The following SLC2A1 variants were observed in gnomAD, a reference collection of about 807,000 sequenced individuals.
SLC2A1 encodes the protein solute carrier family 2 member 1, also known as solute carrier family 2, facilitated glucose transporter member 1.
Under a neutral mutation model 46.6 loss-of-function variants are expected in SLC2A1, and 4 were observed. The ratio of observed to expected loss-of-function variants is 0.09; its 90% CI spans 0.04 to 0.20. SLC2A1 has a LOEUF of 0.20. SLC2A1 is among the 10% of genes least tolerant of loss of function. SLC2A1 has a pLI of 1.00. For missense variants in SLC2A1, 352 were observed against 667.0 expected (o/e 0.53, Z 5.20); for synonymous variants, 253 against 270.0 (o/e 0.94, Z 0.62).
chr1:42,927,567 T>A lies in SLC2A1; in HGVS notation c.1278+38A>T, dbSNP rs768066068. On this transcript the variant is annotated intron_variant, in intron 9 of 9. Coordinates refer to ENST00000426263, the MANE Select transcript of SLC2A1 (RefSeq NM_006516.4). The surrounding 1 kb of genome is among the most constrained non-coding windows in gnomAD (Gnocchi z 5.3). ...CACTTTGCACAGCACTGTGGGGTCA[T>A]GCGTGCGGGTGAGTATAGAGACAGT... The A allele has an allele frequency of 9.0e-6, 14 of 1,548,980 alleles. No individual in the cohort carries two copies. The African/African-American group carries it at 2.4e-4, about 27-fold the overall frequency.
intron 2 of SLC2A1, among the ~76,000 whole-genome samples, chr1:42,931,646 T>G (rs1253620459): frequency 6.6e-6 from 1 of 151,436 alleles, no homozygotes; most frequent in African/African-American, 2.4e-5. Flanking sequence ...ACCAACATGG[T>G]GAAACCCTAT....
At chr1:42,948,470 A>G (rs972040244) in intron 1 of SLC2A1, among the ~76,000 whole-genome samples, 1 of 152,102 alleles carries the variant, frequency 6.6e-6, no homozygotes, top group African/African-American at 2.4e-5. Flanking sequence ...AGCATCCCAC[A>G]TGGGTTCCCC....
At chr1:42,952,949 C>T (rs548904608) in intron 1 of SLC2A1, among the ~76,000 whole-genome samples, 7 of 152,348 alleles carry the variant, frequency 4.6e-5, no homozygotes, top group African/African-American at 1.7e-4. Flanking sequence ...CCTGGAGCCT[C>T]AGTGCCGCTG....
rs919486731 is a variant in SLC2A1, at chr1:42,954,158, C to G, written c.18+4476G>C. Reference sequence around the variant, plus strand: ...TGGCAAGTCCTGTGTCTGGGGATTCCTGCTCATTTGGGGTGGGTGGAGGAT... The same window carrying G: ...TGGCAAGTCCTGTGTCTGGGGATTCGTGCTCATTTGGGGTGGGTGGAGGAT... On this transcript the variant is annotated intron_variant, in intron 1 of 9. Transcript: ENST00000426263. The surrounding 1 kb of genome is among the most constrained non-coding windows in gnomAD (Gnocchi z 4.2). Among the ~76,000 whole-genome samples the G allele has an allele frequency of 7.2e-5, 11 of 151,974 alleles. No individual in the cohort carries two copies. The highest frequency in any genetic ancestry group is 2.7e-4 in the African/African-American group (11 of 41,390).
In SLC2A1 at chr1:42,927,602, C is replaced by T. The variant is rs1643440848; in HGVS notation, c.1278+3G>A. 6.2e-7 allele frequency: 1 copy of T among 1,611,552 alleles called. No individual in the cohort carries two copies. Among genetic ancestry groups the T allele is most frequent in the African/African-American group, 1.3e-5 (1 of 74,754 alleles). On this transcript the variant is annotated splice_donor_region_variant and intron_variant, in intron 9 of 9. Transcript: ENST00000426263. The surrounding 1 kb of genome is among the most constrained non-coding windows in gnomAD (Gnocchi z 5.3). ...TGAGTATAGAGACAGTGGGGGTTCT[C>T]ACCTCCACATACTGGAAGCACATGC...
chr1:42,947,037 C>A (rs1264453366), intron 1 of SLC2A1, among the ~76,000 whole-genome samples: 1 of 152,230 alleles, frequency 6.6e-6, no homozygotes, highest in Non-Finnish European at 1.5e-5. Context: ...ATTCCCTCCA[C>A]AAGTGTTTGC....
At chr1:42,957,823 T>C (rs1362343189) in intron 1 of SLC2A1, among the ~76,000 whole-genome samples, 3 of 152,146 alleles carry the variant, frequency 2.0e-5, no homozygotes, top group Non-Finnish European at 2.9e-5. Flanking sequence ...CCCGCTAGAC[T>C]TCAGCCTGGG....
At chr1:42,932,646 G>A (rs571589910) in intron 2 of SLC2A1, among the ~76,000 whole-genome samples, 1 of 152,280 alleles carries the variant, frequency 6.6e-6, no homozygotes, top group South Asian at 2.1e-4. Context: ...CATCACTGCT[G>A]TTGGTCCTCC....
chr1:42,930,951 C>A lies in SLC2A1; in HGVS notation c.276-85G>T. On this transcript the variant is annotated intron_variant, in intron 3 of 9. Transcript: ENST00000426263. This position sits in a 1 kb window ranked among gnomAD's most constrained non-coding sequence, Gnocchi z 6.2. ...GTCAGAGGTAATACCCTGGAACAGG[C>A]AGATAAGTCTCCCCTACCTCCCACC... 1 of 1,606,506 alleles carries A rather than the reference C, an allele frequency of 6.2e-7. No homozygotes were observed. The highest frequency in any genetic ancestry group is 8.5e-7 in the Non-Finnish European group (1 of 1,177,696).
chr1:42,936,253 C>T (rs2124455681), intron 2 of SLC2A1, among the ~76,000 whole-genome samples: 1 of 152,302 alleles, frequency 6.6e-6, no homozygotes, highest in South Asian at 2.1e-4. Context: ...GGCTAAACTG[C>T]CAGCCAAGCT....
At chr1:42,944,018 C>A (rs1038815650) in intron 1 of SLC2A1, among the ~76,000 whole-genome samples, 7 of 152,184 alleles carry the variant, frequency 4.6e-5, no homozygotes, top group Admixed American at 4.6e-4. Context: ...GAGCTCAGGG[C>A]TCCGGACTCC....
rs1198564024 is a variant in SLC2A1, at chr1:42,925,803, G to A, written c.*1238C>T. 2 of 152,104 alleles carry A rather than the reference G, an allele frequency of 1.3e-5. No homozygotes were observed. The highest frequency in any genetic ancestry group is 4.8e-5 in the African/African-American group (2 of 41,414). The allele number at this position is 152,104 out of a possible 1,614,324, so 9.4% of individuals were successfully genotyped here. A position where few individuals can be genotyped will look rare whatever the true frequency, so the allele number is the denominator to read the frequency against. Reference sequence around the variant, plus strand: ...TTAGCTTATTCACTGTGCGACTTCAGGCACATAACCTCTTTGAGCCTGTCC... The same window carrying A: ...TTAGCTTATTCACTGTGCGACTTCAAGCACATAACCTCTTTGAGCCTGTCC... On this transcript the variant is annotated 3_prime_UTR_variant, in exon 10 of 10. Coordinates refer to ENST00000426263, the MANE Select transcript of SLC2A1 (RefSeq NM_006516.4).
intron 1 of SLC2A1, among the ~76,000 whole-genome samples, chr1:42,949,815 A>G (rs543689763): frequency 6.6e-6 from 1 of 152,000 alleles, no homozygotes; most frequent in Non-Finnish European, 1.5e-5. Context: ...GCGCAGAACC[A>G]GGGGACTCTA....
intron 1 of SLC2A1, among the ~76,000 whole-genome samples, chr1:42,945,352 A>C (rs777783899): frequency 7.2e-5 from 11 of 152,014 alleles, no homozygotes; most frequent in African/African-American, 1.2e-4. Flanking sequence ...CCTGGGTGAC[A>C]GAGTGAGACT....
chr1:42,930,917 A>G lies in SLC2A1; in HGVS notation c.276-51T>C. The G allele has an allele frequency of 6.2e-7, 1 of 1,604,380 alleles. No homozygotes were observed. The highest frequency in any genetic ancestry group is 8.5e-7 in the Non-Finnish European group (1 of 1,179,712). ...CAGTGCCCACATTCCTTGGGCTCCG[A>G]GGGGCTGGGTCAGAGGTAATACCCT... On this transcript the variant is annotated intron_variant, in intron 3 of 9. Coordinates refer to ENST00000426263, the MANE Select transcript of SLC2A1 (RefSeq NM_006516.4). The surrounding 1 kb of genome is among the most constrained non-coding windows in gnomAD (Gnocchi z 6.2).
At chr1:42,931,427 C>T (rs556408880) in intron 2 of SLC2A1, among the ~76,000 whole-genome samples, 16 of 152,306 alleles carry the variant, frequency 1.1e-4, no homozygotes, top group African/African-American at 3.8e-4. Context: ...CCAACTCTCC[C>T]ACTTCCCCTA....
intron 1 of SLC2A1, among the ~76,000 whole-genome samples, chr1:42,949,511 G>T (rs1300460913): frequency 6.6e-6 from 1 of 152,158 alleles, no homozygotes; most frequent in African/African-American, 2.4e-5. Context: ...TGACCTTAGG[G>T]TGACCTCAAG....
intron 1 of SLC2A1, among the ~76,000 whole-genome samples, chr1:42,956,653 C>T (rs1327609291): frequency 6.6e-6 from 1 of 151,972 alleles, no homozygotes; most frequent in Non-Finnish European, 1.5e-5. Flanking sequence ...GGTGTTCCAA[C>T]ATTAATTACT....
At position 42,942,122 on chromosome 1, in the gene SLC2A1, C is replaced by G. The variant is rs529031076; in HGVS notation, c.114+1104G>C. On this transcript the variant is annotated intron_variant, in intron 2 of 9. Coordinates refer to ENST00000426263, the MANE Select transcript of SLC2A1 (RefSeq NM_006516.4). ...GTCTGGACAAGAAATGTGGTCCTGA[C>G]GTGAGGACTGCCCACTCTCATTTGG... Among the ~76,000 whole-genome samples the G allele has an allele frequency of 2.0e-5, 3 of 152,334 alleles. No individual in the cohort carries two copies. The South Asian group carries it at 6.2e-4, about 32-fold the overall frequency.
Sources: allele counts gnomAD v4.1 joint callset (sites outside exome capture counted in the v4.1 genomes callset), GRCh38; gene constraint gnomAD v4.1.1; non-coding constraint Gnocchi (gnomAD v3.1); transcripts MANE v1.5; gene names NCBI Gene and HGNC (gene_info 2026-07-23, HGNC 2026-07-21).